NEK1: variants seen among roughly 807,000 people sequenced by gnomAD.
NEK1 encodes NIMA related kinase 1, also known as serine/threonine-protein kinase Nek1.
Under a neutral mutation model 182.1 loss-of-function variants are expected in NEK1, and 137 were observed. That is an observed-to-expected ratio of 0.75 (90% CI 0.65 to 0.87). The LOEUF (loss-of-function observed/expected upper bound fraction) is 0.87. Among genes scored for constraint, NEK1 ranks in the 40% least tolerant of loss-of-function variants. The pLI, the probability that NEK1 is intolerant of heterozygous loss-of-function variation, is 0.00. For missense variants in NEK1, 1,391 were observed against 1,494.4 expected, an observed-to-expected ratio of 0.93 and a Z score of 1.14; for synonymous variants, 513 against 492.2, an observed-to-expected ratio of 1.04 and a Z score of -0.56.
At chr4:169,592,079 T>C (rs1340548175) in intron 5 of NEK1, among the ~76,000 whole-genome samples, 1 of 152,008 alleles carries the variant, frequency 6.6e-6, no homozygotes, top group Non-Finnish European at 1.5e-5. Flanking sequence ...TTGCTTAAAA[T>C]GAAATAATAC....
In NEK1 at chr4:169,507,751, C is replaced by T. The variant is rs777616611; in HGVS notation, c.1875G>A (p.Glu625=). 2.5e-6 allele frequency: 4 copies of T among 1,612,976 alleles called. No individual in the cohort carries two copies. The Admixed American group carries it at 5.0e-5, about 20-fold the overall frequency. ...CGATTTTTTTGCGCCTCATGTCAGCCTCTTCACTTCCTTCTTGTCCTTCAG... is the reference window on the plus strand; with the variant it reads ...CGATTTTTTTGCGCCTCATGTCAGCTTCTTCACTTCCTTCTTGTCCTTCAG... The part of the protein sequence containing the change: ...NHSEGQEGSE[E]ADMRRKKIES... Residue 625 remains glutamate, a synonymous_variant, in exon 22 of 36, where the codon GAG becomes GAA. Coordinates refer to ENST00000507142, the MANE Select transcript of NEK1 (RefSeq NM_001199397.3).
intron 31 of NEK1, among the ~76,000 whole-genome samples, chr4:169,420,545 T>C (rs1431523585): frequency 2.0e-5 from 3 of 152,140 alleles, no homozygotes; most frequent in Non-Finnish European, 4.4e-5. Context: ...TGTCATTAGG[T>C]GGTGAGAGGA....
chr4:169,557,170 GC>G (rs1343557358), intron 16 of NEK1, among the ~76,000 whole-genome samples: 3 of 152,012 alleles, frequency 2.0e-5, no homozygotes, highest in African/African-American at 4.8e-5. Flanking sequence ...GGATGTTGCT[GC>G]CCTGACACCA....
At chr4:169,431,682 T>A (rs1579559472) in intron 29 of NEK1, among the ~76,000 whole-genome samples, 2 of 151,694 alleles carry the variant, frequency 1.3e-5, no homozygotes, top group African/African-American at 2.4e-5. Context: ...TAATCCCAGC[T>A]CTTTGGGAGG....
intron 32 of NEK1, among the ~76,000 whole-genome samples, chr4:169,404,977 G>GCA (rs910607490): frequency 1.1e-4 from 16 of 151,950 alleles, no homozygotes; most frequent in Non-Finnish European, 2.2e-4. Context: ...TGACACATGT[G>GCA]CACACACACA....
At chr4:169,459,155 T>C (rs914758362) in intron 27 of NEK1, among the ~76,000 whole-genome samples, 5 of 151,990 alleles carry the variant, frequency 3.3e-5, no homozygotes, top group Non-Finnish European at 5.9e-5. Context: ...AACCAAAATA[T>C]ACTAAGAATT....
intron 28 of NEK1, among the ~76,000 whole-genome samples, chr4:169,435,170 C>A (rs540313018): frequency 6.6e-6 from 1 of 152,280 alleles, no homozygotes; most frequent in Non-Finnish European, 1.5e-5. Flanking sequence ...AGGGTGCCAG[C>A]ACGGTTGGTT....
intron 31 of NEK1, among the ~76,000 whole-genome samples, chr4:169,418,785 G>A (rs1383792751): frequency 6.6e-6 from 1 of 152,034 alleles, no homozygotes; most frequent in Non-Finnish European, 1.5e-5. Context: ...TATGTAACTG[G>A]AGTCACAGAA....
chr4:169,419,283 A>C (rs1735062844), intron 31 of NEK1, among the ~76,000 whole-genome samples: 1 of 152,166 alleles, frequency 6.6e-6, no homozygotes, highest in Non-Finnish European at 1.5e-5. Flanking sequence ...TCTAGTGAAA[A>C]TATCCACTCA....
chr4:169,432,525 A>G (rs557024188), intron 29 of NEK1, among the ~76,000 whole-genome samples: 40 of 152,338 alleles, frequency 2.6e-4, no homozygotes, highest in African/African-American at 9.4e-4. Flanking sequence ...CTAACTAGCT[A>G]TAAAATAAGA....
chr4:169,455,812 T>TA (rs1003867684), intron 27 of NEK1, among the ~76,000 whole-genome samples: 7 of 151,088 alleles, frequency 4.6e-5, no homozygotes, highest in Non-Finnish European at 8.9e-5. Context: ...AAAAGAAAAA[T>TA]AAAAAAAAGA....
At chr4:169,559,339 A>G (rs1762575512) in intron 16 of NEK1, among the ~76,000 whole-genome samples, 1 of 152,214 alleles carries the variant, frequency 6.6e-6, no homozygotes, top group Non-Finnish European at 1.5e-5. Context: ...GTAAGATGTG[A>G]GGTTAGTTAT....
At chr4:169,426,101 T>C in intron 30 of NEK1, 45 bp downstream of exon 30, 1 of 1,417,242 alleles carries the variant, frequency 7.1e-7, no homozygotes, top group Non-Finnish European at 9.9e-7. Flanking sequence ...TTAATAATCA[T>C]TAACATCTTC....
At chr4:169,413,911 G>C (rs1032396732) in intron 31 of NEK1, among the ~76,000 whole-genome samples, 6 of 152,284 alleles carry the variant, frequency 3.9e-5, no homozygotes, top group African/African-American at 1.4e-4. Flanking sequence ...CAGCTGCTTG[G>C]GAGGCTGAGG....
chr4:169,442,037 C>A (rs910840921), intron 27 of NEK1, among the ~76,000 whole-genome samples: 2 of 152,146 alleles, frequency 1.3e-5, no homozygotes, highest in African/African-American at 4.8e-5. Flanking sequence ...TCACCACCAC[C>A]ACTGCTGGTG....
Position 169,507,080 on chromosome 4 carries a change from C to A in NEK1, c.1964G>T (p.Arg655Ile). ...TTTTTCTCTCTCATAAGCCTCCTTT[C>A]TCTTTCGTTCTAGTTGTTCTTTTAG... ...AVLKEQLERK[R>I]KEAYEREKKV... Residue 655 changes from arginine to isoleucine, a missense_variant, in exon 23 of 36, where the codon AGA (arginine) becomes ATA (isoleucine). Coordinates refer to ENST00000507142, the MANE Select transcript of NEK1 (RefSeq NM_001199397.3). The A allele has an allele frequency of 6.2e-7, 1 of 1,609,610 alleles. No individual in the cohort carries two copies. Among genetic ancestry groups the A allele is most frequent in the Non-Finnish European group, 8.5e-7 (1 of 1,178,086 alleles).
At chr4:169,531,494 C>A (rs1288063510) in intron 19 of NEK1, among the ~76,000 whole-genome samples, 1 of 150,638 alleles carries the variant, frequency 6.6e-6, no homozygotes, top group East Asian at 1.9e-4. Context: ...ATTATGTATA[C>A]ATATATTATA....
chr4:169,509,327 T>A (rs1753822874), intron 19 of NEK1, among the ~76,000 whole-genome samples: 2 of 152,152 alleles, frequency 1.3e-5, no homozygotes, highest in Non-Finnish European at 2.9e-5. Context: ...CTCTGTGCAC[T>A]CAGGCATGTT....
chr4:169,583,629 G>A (rs954297555), intron 10 of NEK1, among the ~76,000 whole-genome samples: 2 of 152,170 alleles, frequency 1.3e-5, no homozygotes, highest in African/African-American at 4.8e-5. Flanking sequence ...GAGACAGTAT[G>A]TCCCAACTCC....
Sources: allele counts gnomAD v4.1 joint callset (sites outside exome capture counted in the v4.1 genomes callset), GRCh38; gene constraint gnomAD v4.1.1; transcripts MANE v1.5; gene names NCBI Gene and HGNC (gene_info 2026-07-23, HGNC 2026-07-21).